Variants in MARCHF4 observed in about 807,000 individuals in gnomAD.
The protein encoded by MARCHF4 is membrane associated ring-CH-type finger 4.
MARCHF4 carries 14 observed loss-of-function variants against 43.9 expected under a neutral mutation model. The ratio of observed to expected loss-of-function variants is 0.32; its 90% CI spans 0.21 to 0.50. The LOEUF (loss-of-function observed/expected upper bound fraction) is 0.50. MARCHF4 is among the 20% of genes least tolerant of loss of function. MARCHF4 has a pLI of 0.98. For synonymous variants in MARCHF4, 226 were observed against 213.3 expected (o/e 1.06, Z -0.52); for missense variants, 468 against 536.7 (o/e 0.87, Z 1.27).
rs149620309 is a variant in MARCHF4 at position 216,290,231 on chromosome 2, G to T, written c.517-6502C>A. On this transcript the variant is annotated intron_variant, in intron 1 of 3. Coordinates refer to ENST00000273067, the MANE Select transcript of MARCHF4 (RefSeq NM_020814.3). ...CTACATAGGGTGACTGTGTATGAAGGCTTCACTCAATGGAGGTATTTGAGT... is the reference window on the plus strand; with the variant it reads ...CTACATAGGGTGACTGTGTATGAAGTCTTCACTCAATGGAGGTATTTGAGT... 4.2e-4 allele frequency among the ~76,000 whole-genome samples: 64 copies of T among 152,304 alleles called. No homozygotes were observed. The Middle Eastern group carries it at 0.01, about 24-fold the overall frequency.
intron 1 of MARCHF4, among the ~76,000 whole-genome samples, chr2:216,342,296 G>A (rs1321929837): frequency 1.3e-5 from 2 of 152,128 alleles, no homozygotes; most frequent in African/African-American, 2.4e-5. Context: ...CTCTCCACTT[G>A]AAAGAGGAGA....
chr2:216,330,430 C>A (rs1692067547), intron 1 of MARCHF4, among the ~76,000 whole-genome samples: 1 of 152,170 alleles, frequency 6.6e-6, no homozygotes, highest in Non-Finnish European at 1.5e-5. Context: ...AACTTTACCA[C>A]ATCTCTCTTG....
intron 3 of MARCHF4, among the ~76,000 whole-genome samples, chr2:216,273,712 A>C (rs1574460259): frequency 6.6e-6 from 1 of 152,198 alleles, no homozygotes; most frequent in African/African-American, 2.4e-5. Context: ...AGAATGCCTC[A>C]GATGTAAGAT....
intron 1 of MARCHF4, among the ~76,000 whole-genome samples, chr2:216,292,357 G>A (rs1249273433): frequency 6.6e-6 from 1 of 152,248 alleles, no homozygotes; most frequent in Non-Finnish European, 1.5e-5. Context: ...TTGTTCCACT[G>A]TGAAGACTCA....
chr2:216,321,344 C>T (rs924983179), intron 1 of MARCHF4, among the ~76,000 whole-genome samples: 20 of 152,078 alleles, frequency 1.3e-4, no homozygotes, highest in African/African-American at 4.8e-4. Context: ...GATATATATA[C>T]AATTAACATA....
chr2:216,331,074 G>A (rs779403066), intron 1 of MARCHF4, among the ~76,000 whole-genome samples: 6 of 151,918 alleles, frequency 3.9e-5, no homozygotes, highest in East Asian at 1.9e-4. Flanking sequence ...AGTCAACAAC[G>A]CCAAATTTTG....
chr2:216,369,649 AG>A, intron 1 of MARCHF4, 95 bp downstream of exon 1: 1 of 1,011,272 alleles, frequency 9.9e-7, no homozygotes, highest in Non-Finnish European at 1.5e-6. Flanking sequence ...CTCATACTAA[AG>A]ACAATATAAC....
chr2:216,293,598 A>G (rs1430046236), intron 1 of MARCHF4, among the ~76,000 whole-genome samples: 5 of 151,640 alleles, frequency 3.3e-5, no homozygotes, highest in African/African-American at 1.2e-4. Context: ...CAATGTAAAA[A>G]GAGACAAGGA....
At chr2:216,282,805 C>A (rs1691150891) in intron 2 of MARCHF4, among the ~76,000 whole-genome samples, 1 of 152,130 alleles carries the variant, frequency 6.6e-6, no homozygotes, top group Non-Finnish European at 1.5e-5. Flanking sequence ...CCTGGCCCTG[C>A]CTGCCTTTCC....
chr2:216,352,879 C>G (rs2105980109), intron 1 of MARCHF4, among the ~76,000 whole-genome samples: 1 of 152,324 alleles, frequency 6.6e-6, no homozygotes, highest in Middle Eastern at 3.4e-3. Flanking sequence ...ACCAAGAAGA[C>G]AGGAGCTGTG....
intron 1 of MARCHF4, among the ~76,000 whole-genome samples, chr2:216,295,278 T>G (rs529859356): frequency 1.3e-5 from 2 of 152,316 alleles, no homozygotes; most frequent in South Asian, 4.1e-4. Flanking sequence ...TTTTGTTTTT[T>G]GAGACAGGGT....
At chr2:216,294,988 C>T (rs1323180712) in intron 1 of MARCHF4, among the ~76,000 whole-genome samples, 1 of 152,182 alleles carries the variant, frequency 6.6e-6, no homozygotes, top group Non-Finnish European at 1.5e-5. Flanking sequence ...GCAGCTATAC[C>T]GCTTTGCCAG....
At chr2:216,295,918 C>G (rs1021597295) in intron 1 of MARCHF4, among the ~76,000 whole-genome samples, 2 of 152,174 alleles carry the variant, frequency 1.3e-5, no homozygotes, top group African/African-American at 4.8e-5. Flanking sequence ...GAGGCCGAGG[C>G]AGGTGGATCA....
intron 1 of MARCHF4, among the ~76,000 whole-genome samples, chr2:216,347,589 G>A (rs539250328): frequency 2.0e-5 from 3 of 152,098 alleles, no homozygotes; most frequent in South Asian, 2.1e-4. Flanking sequence ...TTAGCCGGGC[G>A]TGGTGGTGGG....
chr2:216,324,140 C>A (rs1237726432), intron 1 of MARCHF4, among the ~76,000 whole-genome samples: 2 of 147,056 alleles, frequency 1.4e-5, no homozygotes, highest in East Asian at 3.9e-4. Flanking sequence ...GATATCACCA[C>A]CGATCCCACA....
intron 1 of MARCHF4, 66 bp from the exon 2 acceptor site, chr2:216,283,795 G>A (rs934701277): frequency 8.2e-6 from 12 of 1,470,344 alleles, no homozygotes; most frequent in South Asian, 2.7e-5. Flanking sequence ...AGTGATGGGC[G>A]GGAGGGTGGC....
intron 1 of MARCHF4, among the ~76,000 whole-genome samples, chr2:216,302,897 CA>C (rs201503998): frequency 0.017 from 1,319 of 78,208 alleles, 1 homozygote; most frequent in African/African-American, 0.097. Context: ...GACTCTGTAT[CA>C]AAAAAAAAAA....
intron 3 of MARCHF4, among the ~76,000 whole-genome samples, chr2:216,270,546 T>A (rs1690920239): frequency 6.6e-6 from 1 of 152,162 alleles, no homozygotes; most frequent in Non-Finnish European, 1.5e-5. Context: ...AAACCTCTTC[T>A]TAGTACTGCC....
intron 1 of MARCHF4, among the ~76,000 whole-genome samples, chr2:216,333,731 C>T (rs533400168): frequency 6.6e-6 from 1 of 152,182 alleles, no homozygotes; most frequent in African/African-American, 2.4e-5. Flanking sequence ...TTCTTCTCAC[C>T]TTTTCTCCCT....
Sources: gnomAD v4.1 joint callset for allele counts (sites outside exome capture counted in the v4.1 genomes callset) on GRCh38, gnomAD v4.1.1 for gene constraint, MANE v1.5 for transcripts, NCBI Gene and HGNC (gene_info 2026-07-23, HGNC 2026-07-21) for gene names.